Variants in LMX1B observed in about 807,000 individuals in gnomAD.
The protein encoded by LMX1B is LIM homeobox transcription factor 1-beta.
In LMX1B, 12 loss-of-function variants were observed where a neutral mutation model predicts 51.4. The observed-to-expected ratio is 0.23, with a 90% confidence interval of 0.15 to 0.38. The LOEUF (loss-of-function observed/expected upper bound fraction) is 0.38, where lower values mean the gene tolerates loss of function less well. Ranked by LOEUF, LMX1B falls within the 10% of genes least tolerant of loss-of-function variation. The pLI, the probability that LMX1B is intolerant of heterozygous loss-of-function variation, is 1.00. For synonymous variants in LMX1B, 237 were observed against 235.4 expected, an observed-to-expected ratio of 1.01 and a Z score of -0.06; for missense variants, 445 against 571.1, an observed-to-expected ratio of 0.78 and a Z score of 2.25.
intron 2 of LMX1B, among the ~76,000 whole-genome samples, chr9:126,649,255 C>T (rs772731344): frequency 2.0e-5 from 3 of 152,166 alleles, no homozygotes; most frequent in East Asian, 3.8e-4. Flanking sequence ...TCTGCCTCCC[C>T]GGCCCTGAAG....
rs1588312505 is a variant in LMX1B at position 126,699,406 on chromosome 9, C to T, written c.*2955C>T. The T allele has an allele frequency of 6.6e-6, 1 of 152,232 alleles. No individual in the cohort carries two copies. The highest frequency in any genetic ancestry group is 2.1e-4 in the South Asian group (1 of 4,826). 9.4% of individuals were successfully genotyped at this position (152,232 alleles called of 1,614,324 possible). On this transcript the variant is annotated 3_prime_UTR_variant, in exon 8 of 8. Transcript: ENST00000373474. Reference sequence around the variant, plus strand: ...CCCATTCTGGGGCCTCACAAACCCCCGAATCCAGCCGGGACCCCATGCCAG... The same window carrying T: ...CCCATTCTGGGGCCTCACAAACCCCTGAATCCAGCCGGGACCCCATGCCAG...
chr9:126,693,808 C>T lies in LMX1B; in HGVS notation c.882C>T (p.Gly294=), dbSNP rs1386790714. 9 of 1,320,230 alleles carry T rather than the reference C, an allele frequency of 6.8e-6. No homozygotes were observed. Among genetic ancestry groups the T allele is most frequent in the Non-Finnish European group, 8.4e-6 (8 of 948,144 alleles). 81.8% of individuals were successfully genotyped at this position (1,320,230 alleles called of 1,614,324 possible). ...AGCAGCAGAACTCCCAGCGGCTGGG[C>T]CAGGGTGAGCCGGGGCCGGGGCAGG... ...QQEQQNSQRL[G]QEVLSSRMEG... is the part of the protein sequence containing the mutation. Residue 294 remains glycine, a synonymous_variant, in exon 6 of 8, where the codon GGC becomes GGT. Coordinates refer to ENST00000373474, the MANE Select transcript of LMX1B (RefSeq NM_001174147.2).
intron 2 of LMX1B, among the ~76,000 whole-genome samples, chr9:126,652,001 G>GT (rs71493849): frequency 8.2e-5 from 4 of 48,738 alleles, no homozygotes; most frequent in African/African-American, 2.3e-4. Flanking sequence ...GGCCAGAGAT[G>GT]GGGGGGGGCC....
At position 126,626,674 on chromosome 9, in the gene LMX1B, C is replaced by T. The variant is rs1489453179; in HGVS notation, c.326+11105C>T. On this transcript the variant is annotated intron_variant, in intron 2 of 7. Transcript: ENST00000373474. The surrounding 1 kb of genome is among the most constrained non-coding windows in gnomAD (Gnocchi z 4.3). ...TTGTTTTTTTGGCAAGAAAAATAAG[C>T]CTTGTTTGGAAAGGGGTGGGTGGGG... Among the ~76,000 whole-genome samples the T allele has an allele frequency of 6.6e-6, 1 of 152,074 alleles. No individual in the cohort carries two copies. Among genetic ancestry groups the T allele is most frequent in the Non-Finnish European group, 1.5e-5 (1 of 68,010 alleles).
At chr9:126,661,308 C>CCCCACGCAGGGCGACCT (rs1337865786) in intron 2 of LMX1B, among the ~76,000 whole-genome samples, 26 of 152,142 alleles carry the variant, frequency 1.7e-4, no homozygotes, top group Non-Finnish European at 2.5e-4. Flanking sequence ...AGCGTGGACG[C>CCCCACGCAGGGCGACCT]CTCATGCCTG....
At chr9:126,644,948 G>A (rs947226783) in intron 2 of LMX1B, among the ~76,000 whole-genome samples, 5 of 152,182 alleles carry the variant, frequency 3.3e-5, no homozygotes, top group Admixed American at 3.3e-4. Flanking sequence ...GGGCCTGGGG[G>A]CTTCTCCTGC....
chr9:126,692,824 G>A (rs542385433), intron 3 of LMX1B, among the ~76,000 whole-genome samples: 63 of 152,360 alleles, frequency 4.1e-4, no homozygotes, highest in African/African-American at 1.5e-3. Flanking sequence ...GTGTGTGCAT[G>A]CCTGTGCTGT....
At chr9:126,619,012 C>T (rs1197472610) in intron 2 of LMX1B, among the ~76,000 whole-genome samples, 1 of 152,096 alleles carries the variant, frequency 6.6e-6, no homozygotes, top group African/African-American at 2.4e-5. Flanking sequence ...GGCGGCCGAG[C>T]CTCTCGGCGA....
intron 2 of LMX1B, among the ~76,000 whole-genome samples, chr9:126,683,122 C>T (rs1336137463): frequency 1.3e-5 from 2 of 150,832 alleles, no homozygotes; most frequent in Non-Finnish European, 3.0e-5. Flanking sequence ...AGCTGCGGGC[C>T]GCAGGAAGCG....
At chr9:126,672,225 G>A (rs957084059) in intron 2 of LMX1B, among the ~76,000 whole-genome samples, 1 of 152,240 alleles carries the variant, frequency 6.6e-6, no homozygotes, top group Non-Finnish European at 1.5e-5. Flanking sequence ...ACCCTCTGTG[G>A]AATGGGATCA....
chr9:126,646,655 G>A (rs1462339209), intron 2 of LMX1B, among the ~76,000 whole-genome samples: 2 of 152,218 alleles, frequency 1.3e-5, no homozygotes, highest in East Asian at 1.9e-4. Flanking sequence ...CAGCCCCTGG[G>A]TTCTACTTCT....
chr9:126,668,441 G>GA (rs1836385768), intron 2 of LMX1B, among the ~76,000 whole-genome samples: 1 of 96,642 alleles, frequency 1.0e-5, no homozygotes, highest in Non-Finnish European at 2.2e-5. Context: ...ACAGAAGCAG[G>GA]ATTTATTATT....
chr9:126,630,066 G>A (rs1315194782), intron 2 of LMX1B, among the ~76,000 whole-genome samples: 1 of 150,304 alleles, frequency 6.7e-6, no homozygotes, highest in Non-Finnish European at 1.5e-5. Flanking sequence ...GGAGGCTGAG[G>A]CAGGAGAATG....
At position 126,693,114 on chromosome 9, in the gene LMX1B, A is replaced by C. The variant is rs111456523; in HGVS notation, c.560-28A>C. On this transcript the variant is annotated intron_variant, in intron 3 of 7. Coordinates refer to ENST00000373474, the MANE Select transcript of LMX1B (RefSeq NM_001174147.2). ...AGGCCTGGGCTGCCCCCGCCCCTTCATCACAGGCCGGGTTGTGTCCCCCAC... is the reference window on the plus strand; with the variant it reads ...AGGCCTGGGCTGCCCCCGCCCCTTCCTCACAGGCCGGGTTGTGTCCCCCAC... 6,481 of 1,549,698 alleles carry C rather than the reference A, an allele frequency of 4.2e-3. 64 individuals carry two copies. Among genetic ancestry groups the C allele is most frequent in the African/African-American group, 0.034 (2,480 of 73,230 alleles).
intron 3 of LMX1B, among the ~76,000 whole-genome samples, chr9:126,692,020 C>T (rs2118989275): frequency 6.6e-6 from 1 of 152,346 alleles, no homozygotes; most frequent in East Asian, 1.9e-4. Flanking sequence ...TGGGGAAGGA[C>T]TGGAGCAGGA....
At chr9:126,631,073 G>A (rs114920318) in intron 2 of LMX1B, among the ~76,000 whole-genome samples, 3,173 of 152,330 alleles carry the variant, frequency 0.021, 120 homozygotes, top group African/African-American at 0.072. Context: ...CCAAAGGGGC[G>A]GGCAGGGCAG....
chr9:126,615,361 G>A lies in LMX1B; in HGVS notation c.140-22G>A. 4 of 1,547,210 alleles carry A rather than the reference G, an allele frequency of 2.6e-6. No individual in the cohort carries two copies. In the South Asian group the frequency reaches 4.7e-5, roughly 18 times the overall value. On this transcript the variant is annotated intron_variant, in intron 1 of 7. Transcript: ENST00000373474. This position sits in a 1 kb window ranked among gnomAD's most constrained non-coding sequence, Gnocchi z 6.0. ...TGGGCCGGGCGGCGCTGACGGCCGGGCTTTCGCCCTGTGCGCTACAGGCTC... is the reference window on the plus strand; with the variant it reads ...TGGGCCGGGCGGCGCTGACGGCCGGACTTTCGCCCTGTGCGCTACAGGCTC...
chr9:126,681,828 G>C (rs1435796068), intron 2 of LMX1B, among the ~76,000 whole-genome samples: 1 of 151,814 alleles, frequency 6.6e-6, no homozygotes, highest in Admixed American at 6.6e-5. Flanking sequence ...TTGAACCCGG[G>C]AGGCAGAGGT....
chr9:126,619,314 G>A (rs1259053019), intron 2 of LMX1B, among the ~76,000 whole-genome samples: 1 of 152,160 alleles, frequency 6.6e-6, no homozygotes, highest in Admixed American at 6.5e-5. Flanking sequence ...TCCCGCGTTC[G>A]GGTGTGGCCC....
Sources: allele counts gnomAD v4.1 joint callset (sites outside exome capture counted in the v4.1 genomes callset), GRCh38; gene constraint gnomAD v4.1.1; non-coding constraint Gnocchi (gnomAD v3.1); transcripts MANE v1.5; gene names NCBI Gene and HGNC (gene_info 2026-07-23, HGNC 2026-07-21).